Variants in IGLON5 observed in about 807,000 individuals in gnomAD.
IGLON5 encodes the protein IgLON family member 5, also known as Ig-like domain-containing protein ENSP00000270642.
A neutral mutation model predicts 38.2 loss-of-function variants in IGLON5; 16 were observed. The observed-to-expected ratio is 0.42, with a 90% CI of 0.28 to 0.64. IGLON5 has a LOEUF of 0.64. Among genes scored for constraint, IGLON5 ranks in the 30% least tolerant of loss-of-function variants. IGLON5 has a pLI of 0.23. For synonymous variants in IGLON5, 207 were observed against 216.4 expected, an observed-to-expected ratio of 0.96 and a Z score of 0.38; for missense variants, 366 against 483.4, an observed-to-expected ratio of 0.76 and a Z score of 2.28.
rs143708171 is a variant in IGLON5 at position 51,324,373 on chromosome 19, G to A, written c.391+479G>A. ...AGATGAGCCAAGTGTGCAAAGGGAA[G>A]TCTCATGAGGCTGGAAGCGCCAGAT... is the stretch of plus-strand genomic sequence containing the variant. On this transcript the variant is annotated intron_variant, in intron 3 of 7. Coordinates refer to ENST00000270642, the MANE Select transcript of IGLON5 (RefSeq NM_001101372.3). The surrounding 1 kb of genome is among the most constrained non-coding windows in gnomAD (Gnocchi z 4.2). 8.7e-3 allele frequency among the ~76,000 whole-genome samples: 1,322 copies of A among 152,308 alleles called. 15 individuals carry two copies. The highest frequency in any genetic ancestry group is 0.018 in the African/African-American group (755 of 41,574).
At position 51,327,223 on chromosome 19, in the gene IGLON5, C is replaced by T. The variant is rs756986188; in HGVS notation, c.767+23C>T. On this transcript the variant is annotated intron_variant, in intron 6 of 7. Coordinates refer to ENST00000270642, the MANE Select transcript of IGLON5 (RefSeq NM_001101372.3). This position sits in a 1 kb window ranked among gnomAD's most constrained non-coding sequence, Gnocchi z 7.1. ...ACTGTGAGGACAGCACTGAGGGGGCCGTGGGAGCGGGAAGGGGAGGTCTTT... is the reference window on the plus strand; with the variant it reads ...ACTGTGAGGACAGCACTGAGGGGGCTGTGGGAGCGGGAAGGGGAGGTCTTT... 1.3e-6 allele frequency: 2 copies of T among 1,595,212 alleles called. No individual in the cohort carries two copies. Among genetic ancestry groups the T allele is most frequent in the African/African-American group, 1.3e-5 (1 of 74,352 alleles).
rs1451769673 is a variant in IGLON5, at chr19:51,327,716, C to T, written c.768-16C>T. 2 of 1,560,030 alleles carry T rather than the reference C, an allele frequency of 1.3e-6. No individual in the cohort carries two copies. On this transcript the variant is annotated splice_polypyrimidine_tract_variant and intron_variant, in intron 6 of 7. Transcript: ENST00000270642. This position sits in a 1 kb window ranked among gnomAD's most constrained non-coding sequence, Gnocchi z 7.1. ...CTGGGCGCTGCGGCCCGGCCCCTGA[C>T]CCGGATCCCTGGCAGGCTGAGCAGC...
At chr19:51,313,043 C>T (rs1984807474) in intron 1 of IGLON5, among the ~76,000 whole-genome samples, 1 of 151,870 alleles carries the variant, frequency 6.6e-6, no homozygotes, top group Non-Finnish European at 1.5e-5. Flanking sequence ...ACAGAGTCCC[C>T]AAGAGTCTCA....
chr19:51,316,887 T>C lies in IGLON5; in HGVS notation c.79+4961T>C, dbSNP rs111911172. On this transcript the variant is annotated intron_variant, in intron 1 of 7. Coordinates refer to ENST00000270642, the MANE Select transcript of IGLON5 (RefSeq NM_001101372.3). ...ACAGGCCCAGCCCCTTCTCACAGCC[T>C]TTCCCAGCCAGAGCCGCACCCCCTC... Among the ~76,000 whole-genome samples, 324 of 152,118 alleles carry C rather than the reference T, an allele frequency of 2.1e-3. 4 individuals carry two copies. The highest frequency in any genetic ancestry group is 7.6e-3 in the African/African-American group (315 of 41,492).
In IGLON5 at chr19:51,329,133, T is replaced by G. The variant is rs59899264; in HGVS notation, c.*374T>G. ...GTCTGTGTCTCTGTTTGTGTGTGTG[T>G]GGGGGGGTGGGCTGGGGGAAGGGAC... On this transcript the variant is annotated 3_prime_UTR_variant, in exon 8 of 8. Transcript: ENST00000270642. The surrounding 1 kb of genome is among the most constrained non-coding windows in gnomAD (Gnocchi z 4.3). 0.43 allele frequency: 25,253 copies of G among 58,794 alleles called. 4,378 individuals are homozygous for G. The highest frequency in any genetic ancestry group is 0.61 in the African/African-American group (16,828 of 27,478). The allele number at this position is 58,794 out of a possible 1,614,324, so 3.6% of individuals were successfully genotyped here. A position where few individuals can be genotyped will look rare whatever the true frequency, so the allele number is the denominator to read the frequency against.
chr19:51,312,557 G>T (rs117557682), intron 1 of IGLON5, among the ~76,000 whole-genome samples: 509 of 152,254 alleles, frequency 3.3e-3, no homozygotes, highest in Middle Eastern at 0.014. Context: ...GTTGGTACTT[G>T]GGGAGGTTGC....
Position 51,327,869 on chromosome 19 carries a change from C to G in IGLON5, c.905C>G (p.Ala302Gly). 1.3e-6 allele frequency: 2 copies of G among 1,529,860 alleles called. No individual in the cohort carries two copies. The highest frequency in any genetic ancestry group is 1.8e-6 in the Non-Finnish European group (2 of 1,136,796). 94.8% of individuals were successfully genotyped at this position (1,529,860 alleles called of 1,614,324 possible). A position where few individuals can be genotyped will look rare whatever the true frequency, so the allele number is the denominator to read the frequency against. The part of the protein sequence containing the change: ...RAANRLGASS[A>G]SMRLLRPGSL... ...GCCAACCGACTGGGAGCGTCCAGCG[C>G]CTCCATGCGGCTCCTGCGTGCGTCT... The change falls in exon 7 of 8, where the codon GCC (alanine) becomes GGC (glycine). Residue 302 changes from alanine to glycine, a missense_variant. Ala to Gly is a moderately conservative substitution (Grantham distance 60). Transcript: ENST00000270642. This position sits in a 1 kb window ranked among gnomAD's most constrained non-coding sequence, Gnocchi z 7.1.
chr19:51,320,437 G>A (rs953911104), intron 1 of IGLON5, among the ~76,000 whole-genome samples: 14 of 152,212 alleles, frequency 9.2e-5, no homozygotes, highest in African/African-American at 3.1e-4. Context: ...TCATCCAGCC[G>A]GCCTTCCTCC....
chr19:51,315,080 A>C (rs1400317036), intron 1 of IGLON5, among the ~76,000 whole-genome samples: 4 of 152,150 alleles, frequency 2.6e-5, no homozygotes, highest in Non-Finnish European at 4.4e-5. Flanking sequence ...ATAAATATTC[A>C]TCTATCTTCA....
chr19:51,318,754 A>T (rs926873120), intron 1 of IGLON5, among the ~76,000 whole-genome samples: 1 of 152,178 alleles, frequency 6.6e-6, no homozygotes, highest in Non-Finnish European at 1.5e-5. Context: ...ACAGAAATAA[A>T]AAATAAAGCC....
At chr19:51,321,531 T>C (rs960202966) in intron 1 of IGLON5, among the ~76,000 whole-genome samples, 2 of 152,172 alleles carry the variant, frequency 1.3e-5, no homozygotes, top group African/African-American at 4.8e-5. Context: ...CGCTGTACTC[T>C]GTATCTGTGA....
chr19:51,327,237 G>A lies in IGLON5; in HGVS notation c.767+37G>A. ...ACTGAGGGGGCCGTGGGAGCGGGAA[G>A]GGGAGGTCTTTAGTCCCTTCGATTG... On this transcript the variant is annotated intron_variant, in intron 6 of 7. Coordinates refer to ENST00000270642, the MANE Select transcript of IGLON5 (RefSeq NM_001101372.3). The surrounding 1 kb of genome is among the most constrained non-coding windows in gnomAD (Gnocchi z 7.1). 6.3e-7 allele frequency: 1 copy of A among 1,592,310 alleles called. No homozygotes were observed. The highest frequency in any genetic ancestry group is 8.6e-7 in the Non-Finnish European group (1 of 1,167,500).
intron 4 of IGLON5, 34 bp from the exon 5 acceptor site, chr19:51,326,730 C>T (rs1395921712): frequency 1.3e-6 from 2 of 1,513,934 alleles, no homozygotes; most frequent in Non-Finnish European, 1.8e-6. Context: ...TGTTTGTGTC[C>T]GGCCCCGCCC....
At chr19:51,326,642 G>A in intron 4 of IGLON5, 122 bp from the exon 5 acceptor site, 1 of 114,074 alleles carries the variant, frequency 8.8e-6, no homozygotes, top group Non-Finnish European at 1.7e-5. Context: ...CACCCCCATT[G>A]ACCCGGGCAC....
At chr19:51,316,909 C>G (rs1984938882) in intron 1 of IGLON5, among the ~76,000 whole-genome samples, 1 of 152,018 alleles carries the variant, frequency 6.6e-6, no homozygotes, top group Non-Finnish European at 1.5e-5. Flanking sequence ...AGCCGCACCC[C>G]CTCCTCCCTG....
Position 51,327,759 on chromosome 19 carries a change from G to C in IGLON5, c.795G>C (p.Leu265=). ...TGAGCAGCGGCACGGCCGAAGGCCT[G>C]AAGGTGCAGACGGAGCGCACCCGCT... is the stretch of plus-strand genomic sequence containing the variant. ...RLLSSGTAEG[L]KVQTERTRSM... The change falls in exon 7 of 8, where the codon CTG becomes CTC. Residue 265 remains leucine (L), a synonymous_variant. Transcript: ENST00000270642. This position sits in a 1 kb window ranked among gnomAD's most constrained non-coding sequence, Gnocchi z 7.1. 1.9e-6 allele frequency: 3 copies of C among 1,577,940 alleles called. No homozygotes were observed. The highest frequency in any genetic ancestry group is 2.6e-6 in the Non-Finnish European group (3 of 1,164,256).
intron 3 of IGLON5, 61 bp downstream of exon 3, chr19:51,323,955 A>G (rs147637790): frequency 8.9e-7 from 1 of 1,129,398 alleles, no homozygotes; most frequent in Non-Finnish European, 1.3e-6. Flanking sequence ...GAGACTAGGC[A>G]TGATGACAGA....
At chr19:51,312,065 GGGGGT>G in intron 1 of IGLON5, 139 bp downstream of exon 1, 1 of 402,820 alleles carries the variant, frequency 2.5e-6, no homozygotes, top group Non-Finnish European at 4.1e-6. Flanking sequence ...GTCTGGGCCC[GGGGGT>G]GGGGTCTGCA....
intron 1 of IGLON5, among the ~76,000 whole-genome samples, chr19:51,313,552 G>A (rs1422908350): frequency 6.6e-6 from 1 of 151,216 alleles, no homozygotes; most frequent in Non-Finnish European, 1.5e-5. Flanking sequence ...TTTCCTTCTT[G>A]TTCTGACCTA....
Sources: gnomAD v4.1 joint callset for allele counts (sites outside exome capture counted in the v4.1 genomes callset) on GRCh38, gnomAD v4.1.1 for gene constraint, Gnocchi (gnomAD v3.1) non-coding constraint, MANE v1.5 for transcripts, NCBI Gene and HGNC (gene_info 2026-07-23, HGNC 2026-07-21) for gene names.